Variants in PIK3R1 observed in about 807,000 individuals in gnomAD.
PIK3R1 encodes the protein phosphatidylinositol 3-kinase regulatory subunit alpha.
PIK3R1 carries 29 observed loss-of-function variants against 98.0 expected under a neutral mutation model. That is an observed-to-expected ratio of 0.30 (90% confidence interval 0.22 to 0.40). The LOEUF (loss-of-function observed/expected upper bound fraction) is 0.40. Ranked by LOEUF, PIK3R1 falls within the 10% of genes least tolerant of loss-of-function variation. The probability of loss-of-function intolerance (pLI) is 1.00; values close to 1 mark genes in which losing one functional copy is unlikely to be tolerated. For synonymous variants in PIK3R1, 282 were observed against 311.8 expected (o/e 0.90, Z 1.01); for missense variants, 596 against 872.7 (o/e 0.68, Z 3.99).
intron 4 of PIK3R1, among the ~76,000 whole-genome samples, chr5:68,276,059 C>T (rs1580238095): frequency 1.3e-5 from 2 of 152,300 alleles, no homozygotes; most frequent in Non-Finnish European, 2.9e-5. Flanking sequence ...ATTTTTCTGA[C>T]TCCAAAAGTC....
At chr5:68,294,963 AAATAAAAAAAT>A (rs1036148406) in intron 12 of PIK3R1, among the ~76,000 whole-genome samples, 174 bp from the exon 13 acceptor site, 8 of 137,504 alleles carry the variant, frequency 5.8e-5, no homozygotes, top group African/African-American at 2.4e-4. Context: ...AGTATAATAA[AAATAAAAAAAT>A]AAAATAAAAT....
At chr5:68,243,612 G>A (rs1292372734) in intron 2 of PIK3R1, among the ~76,000 whole-genome samples, 2 of 152,202 alleles carry the variant, frequency 1.3e-5, no homozygotes, top group Non-Finnish European at 2.9e-5. Context: ...CTGCAAACAA[G>A]TTTATCCGTT....
chr5:68,226,233 T>G (rs1228570089), intron 1 of PIK3R1, 57 bp from the exon 2 acceptor site: 2 of 400,530 alleles, frequency 5.0e-6, no homozygotes, highest in Non-Finnish European at 8.8e-6. Context: ...AAATTCCAAT[T>G]AACACAGATG....
intron 4 of PIK3R1, 133 bp downstream of exon 4, chr5:68,274,146 A>G: frequency 1.4e-6 from 1 of 740,604 alleles, no homozygotes; most frequent in Non-Finnish European, 2.3e-6. Flanking sequence ...AATCATGTAC[A>G]GTTCTCCCTG....
At position 68,262,594 on chromosome 5, in the gene PIK3R1, TGCATGTATAC is replaced by T. The variant is rs1195741494; in HGVS notation, c.335-10795_335-10786del. ...GTACCTACATGTATACACATGTATCTGCATGTATACACATGTATACACATGTAGATGCATG... is the reference window on the plus strand; with the variant it reads ...GTACCTACATGTATACACATGTATCTACATGTATACACATGTAGATGCATG... On this transcript the variant is annotated intron_variant, in intron 2 of 15. Transcript: ENST00000521381. 1.3e-3 allele frequency among the ~76,000 whole-genome samples: 174 copies of T among 134,906 alleles called. 5 individuals carry two copies. Among genetic ancestry groups the T allele is most frequent in the African/African-American group, 3.8e-3 (129 of 33,648 alleles). 88.5% of individuals were successfully genotyped at this position (134,906 alleles called of 152,430 possible). A position where few individuals can be genotyped will look rare whatever the true frequency, so the allele number is the denominator to read the frequency against.
intron 2 of PIK3R1, among the ~76,000 whole-genome samples, chr5:68,234,569 T>C (rs1242428218): frequency 6.6e-6 from 1 of 152,234 alleles, no homozygotes; most frequent in African/African-American, 2.4e-5. Context: ...ATATTTAGGC[T>C]CTACTTCTGT....
intron 7 of PIK3R1, among the ~76,000 whole-genome samples, chr5:68,283,269 T>C (rs2112205233): frequency 6.6e-6 from 1 of 152,344 alleles, no homozygotes; most frequent in East Asian, 1.9e-4. Context: ...ATAGGGCAGA[T>C]AGACAGCATT....
chr5:68,242,349 G>A (rs749490551), intron 2 of PIK3R1, among the ~76,000 whole-genome samples: 1 of 152,174 alleles, frequency 6.6e-6, no homozygotes, highest in Admixed American at 6.5e-5. Flanking sequence ...GAGAATACAC[G>A]GTGGTCAAAC....
At chr5:68,254,436 G>C (rs1745435042) in intron 2 of PIK3R1, among the ~76,000 whole-genome samples, 1 of 152,200 alleles carries the variant, frequency 6.6e-6, no homozygotes, top group African/African-American at 2.4e-5. Context: ...CCAAAGGAAT[G>C]AATGATCCAT....
rs762916361 is a variant in PIK3R1, at chr5:68,290,857, G to A, written c.917-1402G>A. Reference sequence around the variant, plus strand: ...CAGGTAATACTGCAGTATTATTGTAGAGAGTTAGTTAATTTCGTGGCTTTT... The same window carrying A: ...CAGGTAATACTGCAGTATTATTGTAAAGAGTTAGTTAATTTCGTGGCTTTT... On this transcript the variant is annotated intron_variant, in intron 7 of 15. Transcript: ENST00000521381. 6.0e-6 allele frequency: 9 copies of A among 1,503,814 alleles called. No homozygotes were observed. In the East Asian group the frequency reaches 2.0e-4, roughly 34 times the overall value. 93.2% of individuals were successfully genotyped at this position (1,503,814 alleles called of 1,614,324 possible).
chr5:68,295,591 T>A, intron 14 of PIK3R1, 103 bp downstream of exon 14: 1 of 946,820 alleles, frequency 1.1e-6, no homozygotes, highest in East Asian at 2.5e-5. Context: ...TTACTGAGTT[T>A]GGAACATCTT....
chr5:68,244,580 T>C (rs1354724868), intron 2 of PIK3R1, among the ~76,000 whole-genome samples: 1 of 129,244 alleles, frequency 7.7e-6, no homozygotes, highest in African/African-American at 3.0e-5. Context: ...AAACTTCTGC[T>C]CTGGACCTCA....
Position 68,301,305 on chromosome 5 carries a change from T to C in PIK3R1, c.*3704T>C, listed in dbSNP as rs1160644524. The stretch of plus-strand genomic sequence containing the variant: ...AGACTATCCAACTTAACATGAAACT[T>C]GTCACCATGAGATAGCATTAGCTGC... On this transcript the variant is annotated 3_prime_UTR_variant, in exon 16 of 16. Transcript: ENST00000521381. 1 of 175,772 alleles carries C rather than the reference T, an allele frequency of 5.7e-6. No homozygotes were observed. Among genetic ancestry groups the C allele is most frequent in the East Asian group, 9.1e-5 (1 of 10,934 alleles). 10.9% of individuals were successfully genotyped at this position (175,772 alleles called of 1,614,324 possible). A position where few individuals can be genotyped will look rare whatever the true frequency, so the allele number is the denominator to read the frequency against.
At chr5:68,244,767 A>C (rs1411361572) in intron 2 of PIK3R1, among the ~76,000 whole-genome samples, 2 of 152,060 alleles carry the variant, frequency 1.3e-5, no homozygotes, top group East Asian at 3.8e-4. Context: ...ACTTGTTTGA[A>C]CTTCTCAGAT....
chr5:68,296,760 A>AG (rs1163231087), intron 15 of PIK3R1, among the ~76,000 whole-genome samples: 1 of 152,210 alleles, frequency 6.6e-6, no homozygotes, highest in Non-Finnish European at 1.5e-5. Context: ...GAAAAAAAAA[A>AG]GGATTCTGAT....
rs1207979742 is a variant in PIK3R1 at position 68,298,750 on chromosome 5, A to AAAAG, written c.*1151_*1154dup. On this transcript the variant is annotated 3_prime_UTR_variant, in exon 16 of 16. Coordinates refer to ENST00000521381, the MANE Select transcript of PIK3R1 (RefSeq NM_181523.3). Reference sequence around the variant, plus strand: ...TTTATTCAATAAAAAAAAGAAATGAAAAAGATATATGAATATGACAAAGTA... The same window carrying AAAAG: ...TTTATTCAATAAAAAAAAGAAATGAAAAAGAAAGATATATGAATATGACAAAGTA... 4.3e-6 allele frequency: 1 copy of AAAAG among 233,412 alleles called. No homozygotes were observed. Among genetic ancestry groups the AAAAG allele is most frequent in the Non-Finnish European group, 8.5e-6 (1 of 117,964 alleles). 14.5% of individuals were successfully genotyped at this position (233,412 alleles called of 1,614,324 possible).
chr5:68,258,994 T>C (rs1745634199), intron 2 of PIK3R1, among the ~76,000 whole-genome samples: 1 of 152,218 alleles, frequency 6.6e-6, no homozygotes, highest in African/African-American at 2.4e-5. Context: ...ATACTTTTTT[T>C]CTTTATACTT....
At chr5:68,269,839 G>A (rs894438321) in intron 2 of PIK3R1, among the ~76,000 whole-genome samples, 40 of 151,494 alleles carry the variant, frequency 2.6e-4, no homozygotes, top group African/African-American at 7.8e-4. Flanking sequence ...GGATTGACTC[G>A]CAGACATTTT....
At chr5:68,222,303 T>G (rs1744119039) in intron 1 of PIK3R1, among the ~76,000 whole-genome samples, 1 of 152,148 alleles carries the variant, frequency 6.6e-6, no homozygotes, top group African/African-American at 2.4e-5. Flanking sequence ...TCTGCAGTAC[T>G]GTGAAGAATT....
Sources: gnomAD v4.1 joint callset for allele counts (sites outside exome capture counted in the v4.1 genomes callset) on GRCh38, gnomAD v4.1.1 for gene constraint, MANE v1.5 for transcripts, NCBI Gene and HGNC (gene_info 2026-07-23, HGNC 2026-07-21) for gene names.